The following MCF2L variants were observed in gnomAD, a reference collection of about 807,000 sequenced individuals.
MCF2L encodes the protein MCF.2 cell line derived transforming sequence like, also known as guanine nucleotide exchange factor DBS.
A neutral mutation model predicts 153.4 loss-of-function variants in MCF2L; 97 were observed. The ratio of observed to expected loss-of-function variants is 0.63; its 90% CI spans 0.54 to 0.75. The LOEUF is 0.75. Among genes scored for constraint, MCF2L ranks in the 30% least tolerant of loss-of-function variants. The probability of loss-of-function intolerance (pLI) is 0.00; values close to 1 mark genes in which losing one functional copy is unlikely to be tolerated. For synonymous variants in MCF2L, 659 were observed against 632.2 expected, an observed-to-expected ratio of 1.04 and a Z score of -0.64; for missense variants, 1,347 against 1,495.2, an observed-to-expected ratio of 0.90 and a Z score of 1.64.
intron 2 of MCF2L, among the ~76,000 whole-genome samples, chr13:112,918,791 G>C (rs1477369078): frequency 6.6e-6 from 1 of 152,206 alleles, no homozygotes; most frequent in Non-Finnish European, 1.5e-5. Context: ...GGACTGGAGA[G>C]TCGTTTTGGT....
At chr13:113,015,181 T>C (rs2141200598) in intron 2 of MCF2L, among the ~76,000 whole-genome samples, 1 of 152,302 alleles carries the variant, frequency 6.6e-6, no homozygotes, top group Middle Eastern at 3.4e-3. Context: ...TGAACCCCAG[T>C]TCCTGCTGCA....
chr13:112,933,031 AAAATAAAT>A (rs71208922), intron 2 of MCF2L, among the ~76,000 whole-genome samples: 7 of 150,816 alleles, frequency 4.6e-5, no homozygotes, highest in African/African-American at 9.8e-5. Context: ...GCTCCATCTC[AAAATAAAT>A]AAATAAATAA....
At chr13:113,037,122 C>T (rs1303003921) in intron 3 of MCF2L, among the ~76,000 whole-genome samples, 1 of 152,188 alleles carries the variant, frequency 6.6e-6, no homozygotes, top group Non-Finnish European at 1.5e-5. Flanking sequence ...AAGAATTCCT[C>T]TCGACTAACA....
chr13:113,089,966 C>A (rs1213844733), intron 26 of MCF2L: 1 of 1,595,686 alleles, frequency 6.3e-7, no homozygotes, highest in South Asian at 1.1e-5. Context: ...CTCGGCCGAG[C>A]GTGCAACCCG....
intron 27 of MCF2L, 148 bp downstream of exon 27, chr13:113,094,783 C>T (rs2480950): frequency 6.1e-6 from 7 of 1,154,752 alleles, no homozygotes; most frequent in Admixed American, 4.6e-5. Flanking sequence ...CTGGGTCTTA[C>T]GGGCAGTGCC....
intron 26 of MCF2L, among the ~76,000 whole-genome samples, chr13:113,092,971 G>C (rs2035346292): frequency 6.6e-6 from 1 of 152,248 alleles, no homozygotes; most frequent in Admixed American, 6.5e-5. Context: ...AGGTTCGTGT[G>C]TAAGGTCCTG....
At chr13:113,090,112 A>C in intron 26 of MCF2L, 1 of 1,548,416 alleles carries the variant, frequency 6.5e-7, no homozygotes, top group South Asian at 1.2e-5. Flanking sequence ...TGCGCTTTCC[A>C]GAAAGCGCTT....
intron 2 of MCF2L, among the ~76,000 whole-genome samples, chr13:113,024,037 G>C (rs75509408): frequency 6.6e-6 from 1 of 152,308 alleles, no homozygotes; most frequent in South Asian, 2.1e-4. Flanking sequence ...GACTCCGTCC[G>C]GCCAAGGCAG....
intron 4 of MCF2L, among the ~76,000 whole-genome samples, chr13:113,050,695 GGGGAGGCGGGAGGAGCA>G (rs1271080963): frequency 1.2e-5 from 1 of 83,534 alleles, no homozygotes; most frequent in African/African-American, 5.9e-5. Context: ...CTGGGGGAGC[GGGGAGGCGGGAGGAGCA>G]GGGGGGGCGG....
At chr13:112,996,353 G>A (rs2083130620) in intron 1 of MCF2L, among the ~76,000 whole-genome samples, 3 of 152,170 alleles carry the variant, frequency 2.0e-5, no homozygotes, top group African/African-American at 7.2e-5. Flanking sequence ...ACTTTAGAGA[G>A]TTTCTGACAA....
intron 1 of MCF2L, among the ~76,000 whole-genome samples, chr13:112,981,065 C>T (rs748552954): frequency 6.6e-6 from 1 of 151,504 alleles, no homozygotes; most frequent in East Asian, 1.9e-4. Flanking sequence ...CCTGACATGT[C>T]CCCTTCCTGT....
intron 5 of MCF2L, among the ~76,000 whole-genome samples, chr13:113,063,428 CCGCCCACAGCG>C (rs1247925184): frequency 8.1e-6 from 1 of 123,042 alleles, no homozygotes; most frequent in Non-Finnish European, 1.8e-5. Context: ...GTCCACACAG[CCGCCCACAGCG>C]TTCAGGCGTC....
chr13:113,082,134 G>A (rs1013513455), intron 16 of MCF2L, among the ~76,000 whole-genome samples: 2 of 152,156 alleles, frequency 1.3e-5, no homozygotes, highest in Admixed American at 6.5e-5. Flanking sequence ...GATTTACTGA[G>A]TGTGAGCAGG....
At chr13:112,937,511 C>T (rs11164130) in intron 2 of MCF2L, among the ~76,000 whole-genome samples, 28,576 of 152,162 alleles carry the variant, frequency 0.19, 2,757 homozygotes, top group Admixed American at 0.22. Context: ...AGACTTTATT[C>T]CAGTGAACAG....
chr13:113,006,758 C>G (rs2083725655), intron 1 of MCF2L, among the ~76,000 whole-genome samples: 1 of 152,244 alleles, frequency 6.6e-6, no homozygotes, highest in Non-Finnish European at 1.5e-5. Context: ...GCCACCAGCC[C>G]TGCCCACTCA....
At chr13:113,059,648 G>A (rs1442434104) in intron 4 of MCF2L, among the ~76,000 whole-genome samples, 1 of 152,178 alleles carries the variant, frequency 6.6e-6, no homozygotes, top group South Asian at 2.1e-4. Context: ...GGTGTCCACT[G>A]AACGCCACGC....
intron 15 of MCF2L, 128 bp downstream of exon 15, chr13:113,078,867 C>G (rs1313963333): frequency 1.1e-6 from 1 of 897,424 alleles, no homozygotes; most frequent in Non-Finnish European, 1.7e-6. Context: ...GTGGTTCTTA[C>G]TTTTGCACCA....
chr13:112,973,295 G>A (rs1260073472), intron 1 of MCF2L, among the ~76,000 whole-genome samples: 6 of 152,292 alleles, frequency 3.9e-5, no homozygotes, highest in East Asian at 1.9e-4. Context: ...GAAAAACCAC[G>A]CAGCCAAATG....
chr13:113,096,783 C>CG lies in MCF2L; in HGVS notation c.3306dup (p.Ser1103ValfsTer150). 1.3e-6 allele frequency: 2 copies of CG among 1,567,132 alleles called. No homozygotes were observed. The highest frequency in any genetic ancestry group is 1.7e-6 in the Non-Finnish European group (2 of 1,165,928). On this transcript the variant is annotated frameshift_variant, in exon 30 of 30. Transcript: ENST00000535094. LOFTEE classifies it high-confidence loss of function. ...CCTGATCTCCCCGCAGAGTCGAGCCCGGGGTCGGCCGTGCTGAGCAACTCG... is the reference window on the plus strand; with the variant it reads ...CCTGATCTCCCCGCAGAGTCGAGCCCGGGGGTCGGCCGTGCTGAGCAACTCG...
Sources: allele counts gnomAD v4.1 joint callset (sites outside exome capture counted in the v4.1 genomes callset), GRCh38; gene constraint gnomAD v4.1.1; transcripts MANE v1.5; gene names NCBI Gene and HGNC (gene_info 2026-07-23, HGNC 2026-07-21).